The following CADM2 variants were observed in gnomAD, a reference collection of about 807,000 sequenced individuals.
CADM2 encodes immunoglobulin superfamily member 4D.
CADM2 carries 12 observed loss-of-function variants against 49.8 expected under a neutral mutation model. That is an observed-to-expected ratio of 0.24 (90% CI 0.15 to 0.39). CADM2 has a LOEUF of 0.39. CADM2 is among the 10% of genes least tolerant of loss of function. The probability of loss-of-function intolerance (pLI) is 1.00; values close to 1 mark genes in which losing one functional copy is unlikely to be tolerated. For synonymous variants in CADM2, 214 were observed against 175.4 expected (o/e 1.22, Z -1.74); for missense variants, 378 against 492.3 (o/e 0.77, Z 2.20).
At chr3:85,720,622 C>A (rs569675492) in intron 1 of CADM2, among the ~76,000 whole-genome samples, 1 of 152,072 alleles carries the variant, frequency 6.6e-6, no homozygotes, top group Non-Finnish European at 1.5e-5. Context: ...AAATTAAATT[C>A]TCACTTTTTC....
chr3:85,288,988 G>A (rs1392749075), intron 1 of CADM2, among the ~76,000 whole-genome samples: 3 of 151,990 alleles, frequency 2.0e-5, no homozygotes, highest in South Asian at 2.1e-4. Flanking sequence ...GTTTGGTTTT[G>A]TAAATATTTA....
At chr3:86,034,482 C>T (rs1225157770) in intron 8 of CADM2, among the ~76,000 whole-genome samples, 1 of 152,016 alleles carries the variant, frequency 6.6e-6, no homozygotes, top group Non-Finnish European at 1.5e-5. Context: ...CACACTAACT[C>T]TGTGAGCACC....
intron 5 of CADM2, among the ~76,000 whole-genome samples, chr3:85,894,358 A>G (rs1341082946): frequency 1.3e-5 from 2 of 152,252 alleles, no homozygotes; most frequent in East Asian, 3.9e-4. Flanking sequence ...GGGTAGGGGA[A>G]GTGGGGAGGG....
At chr3:85,793,412 T>C (rs924892411) in intron 2 of CADM2, among the ~76,000 whole-genome samples, 3 of 152,128 alleles carry the variant, frequency 2.0e-5, no homozygotes, top group Non-Finnish European at 4.4e-5. Context: ...GGATTTTTAT[T>C]GGAAGAATTG....
At chr3:85,867,765 G>A (rs1411868743) in intron 3 of CADM2, among the ~76,000 whole-genome samples, 1 of 151,946 alleles carries the variant, frequency 6.6e-6, no homozygotes, top group Non-Finnish European at 1.5e-5. Flanking sequence ...TCAGAAAATT[G>A]GTATCTGATC....
At chr3:85,501,017 C>T (rs1025247571) in intron 1 of CADM2, among the ~76,000 whole-genome samples, 5 of 151,914 alleles carry the variant, frequency 3.3e-5, no homozygotes, top group African/African-American at 1.2e-4. Flanking sequence ...ATTAAATATC[C>T]ACAGAAATTA....
chr3:85,864,529 T>C (rs1174486604), intron 3 of CADM2, among the ~76,000 whole-genome samples: 2 of 152,340 alleles, frequency 1.3e-5, no homozygotes, highest in East Asian at 3.9e-4. Flanking sequence ...GGCTGTCAGC[T>C]TAGCCTCTGG....
intron 1 of CADM2, among the ~76,000 whole-genome samples, chr3:85,027,042 T>C (rs1047848387): frequency 6.6e-6 from 1 of 151,520 alleles, no homozygotes; most frequent in Admixed American, 6.6e-5. Context: ...TCTTAATATA[T>C]ATTCATGTGA....
chr3:85,275,276 A>G (rs2043330007), intron 1 of CADM2, among the ~76,000 whole-genome samples: 1 of 151,526 alleles, frequency 6.6e-6, no homozygotes, highest in African/African-American at 2.4e-5. Flanking sequence ...AAAATTCCAA[A>G]TGGTGTTTTA....
chr3:85,869,828 A>G (rs2075854939), intron 3 of CADM2, among the ~76,000 whole-genome samples: 1 of 151,756 alleles, frequency 6.6e-6, no homozygotes, highest in African/African-American at 2.4e-5. Flanking sequence ...GGCCTGGCTA[A>G]TTTTTTGTAT....
rs532243384 is a variant in CADM2, at chr3:86,003,429, T to G, written c.970+41782T>G. On this transcript the variant is annotated intron_variant, in intron 8 of 9. Coordinates refer to ENST00000383699, the MANE Select transcript of CADM2 (RefSeq NM_001167675.2). The stretch of plus-strand genomic sequence containing the variant: ...GAAACTGTGGAAGATCAGCTTAACT[T>G]GCAAGCAGGGTAAAATCTGACTATT... 5.9e-5 allele frequency among the ~76,000 whole-genome samples: 9 copies of G among 152,268 alleles called. 1 individual carries two copies. In the East Asian group the frequency reaches 1.7e-3, roughly 29 times the overall value.
At chr3:85,688,112 G>T (rs2066269756) in intron 1 of CADM2, among the ~76,000 whole-genome samples, 1 of 152,092 alleles carries the variant, frequency 6.6e-6, no homozygotes, top group African/African-American at 2.4e-5. Flanking sequence ...CCAGTCCTCG[G>T]TGCCAAAATG....
chr3:85,893,642 A>G (rs6764756), intron 5 of CADM2, among the ~76,000 whole-genome samples: 5,486 of 152,290 alleles, frequency 0.036, 323 homozygotes, highest in African/African-American at 0.12. Context: ...ACTCAAACAA[A>G]TTTACAAGAA....
chr3:85,134,321 C>T (rs1050003563), intron 1 of CADM2, among the ~76,000 whole-genome samples: 12 of 152,202 alleles, frequency 7.9e-5, no homozygotes, highest in Non-Finnish European at 1.8e-4. Context: ...AGTGCAGCGG[C>T]GGGCCGAAGG....
At position 85,601,128 on chromosome 3, in the gene CADM2, G is replaced by GTGTGTA. The variant is rs1269283025; in HGVS notation, c.62-125391_62-125390insGTATGT. On this transcript the variant is annotated intron_variant, in intron 1 of 9. Coordinates refer to ENST00000383699, the MANE Select transcript of CADM2 (RefSeq NM_001167675.2). ...TAATATACTGTGCATTTATATATGT[G>GTGTGTA]TGTATATATATATATATATATATAT... is the stretch of plus-strand genomic sequence containing the variant. Among the ~76,000 whole-genome samples, 223 of 35,188 alleles carry GTGTGTA rather than the reference G, an allele frequency of 6.3e-3. 2 individuals are homozygous for GTGTGTA. The highest frequency in any genetic ancestry group is 0.019 in the African/African-American group (213 of 11,226). The allele number at this position is 35,188 out of a possible 152,430, so 23.1% of individuals were successfully genotyped here.
chr3:85,905,227 G>A (rs1255227400), intron 5 of CADM2, among the ~76,000 whole-genome samples: 2 of 152,050 alleles, frequency 1.3e-5, no homozygotes, highest in African/African-American at 4.8e-5. Context: ...GTGGAAAATA[G>A]CAAAGATAGA....
intron 1 of CADM2, among the ~76,000 whole-genome samples, chr3:84,987,568 CA>C (rs1279193696): frequency 1.3e-5 from 2 of 152,060 alleles, no homozygotes; most frequent in Non-Finnish European, 2.9e-5. Flanking sequence ...GCTAGTTTTT[CA>C]TTTTACTCCT....
chr3:85,770,313 TTTG>T (rs1217570062), intron 2 of CADM2, among the ~76,000 whole-genome samples: 2 of 152,030 alleles, frequency 1.3e-5, no homozygotes, highest in Non-Finnish European at 2.9e-5. Context: ...ATATCAATTT[TTTG>T]TTGTTGTTTG....
At chr3:85,030,129 A>G (rs1576070901) in intron 1 of CADM2, among the ~76,000 whole-genome samples, 1 of 151,892 alleles carries the variant, frequency 6.6e-6, no homozygotes, top group South Asian at 2.1e-4. Context: ...AGTATCTTAA[A>G]CTCCAAGATT....
Sources: allele counts gnomAD v4.1 joint callset (sites outside exome capture counted in the v4.1 genomes callset), GRCh38; gene constraint gnomAD v4.1.1; transcripts MANE v1.5; gene names NCBI Gene and HGNC (gene_info 2026-07-23, HGNC 2026-07-21).